The following THSD4 variants were observed in gnomAD, a reference collection of about 807,000 sequenced individuals.
THSD4 encodes thrombospondin type 1 domain containing 4.
In THSD4, 69 loss-of-function variants were observed where a neutral mutation model predicts 119.0. The ratio of observed to expected loss-of-function variants is 0.58; its 90% CI spans 0.48 to 0.71. The LOEUF (loss-of-function observed/expected upper bound fraction) is 0.71, where lower values mean the gene tolerates loss of function less well. THSD4 is among the 30% of genes least tolerant of loss of function. The probability of loss-of-function intolerance (pLI) is 0.00; values close to 1 mark genes in which losing one functional copy is unlikely to be tolerated. For synonymous variants in THSD4, 524 were observed against 540.4 expected (o/e 0.97, Z 0.42); for missense variants, 1,393 against 1,391.1 (o/e 1.00, Z -0.02).
At chr15:71,510,940 G>A (rs56017183) in intron 7 of THSD4, among the ~76,000 whole-genome samples, 352 of 103,866 alleles carry the variant, frequency 3.4e-3, no homozygotes, top group South Asian at 8.0e-3. Flanking sequence ...GTCGAGTGAT[G>A]TTTTGTGTGA....
chr15:71,368,955 T>C (rs2046005815), intron 6 of THSD4, among the ~76,000 whole-genome samples: 1 of 152,224 alleles, frequency 6.6e-6, no homozygotes, highest in Non-Finnish European at 1.5e-5. Context: ...TCCTCTTTTA[T>C]TTTGTTGAGC....
intron 7 of THSD4, among the ~76,000 whole-genome samples, chr15:71,626,257 A>C (rs1220781153): frequency 6.6e-6 from 1 of 152,192 alleles, no homozygotes; most frequent in Non-Finnish European, 1.5e-5. Context: ...AAGTAAGAAA[A>C]ACAACATCTG....
At chr15:71,235,254 TA>T (rs1437753975) in intron 4 of THSD4, among the ~76,000 whole-genome samples, 1 of 152,218 alleles carries the variant, frequency 6.6e-6, no homozygotes, top group Non-Finnish European at 1.5e-5. Context: ...GACCCTGTGA[TA>T]CTTAGTCTCC....
Position 71,115,871 on chromosome 15 carries a change from C to A in THSD4, c.-80+173C>A, listed in dbSNP as rs1433114576. 2.0e-5 allele frequency among the ~76,000 whole-genome samples: 3 copies of A among 151,808 alleles called. No homozygotes were observed. Among genetic ancestry groups the A allele is most frequent in the Non-Finnish European group, 2.9e-5 (2 of 67,904 alleles). On this transcript the variant is annotated intron_variant, in intron 1 of 17. Coordinates refer to ENST00000261862, the MANE Select transcript of THSD4 (RefSeq NM_024817.3). The surrounding 1 kb of genome is among the most constrained non-coding windows in gnomAD (Gnocchi z 4.4). ...GCTGCGCCGCTCCGGGCTCGGGGAG[C>A]CAGCGCGCGCCTGGTCCGTGCGGAC...
chr15:71,653,050 G>A (rs1017049381), intron 7 of THSD4, among the ~76,000 whole-genome samples: 10 of 152,110 alleles, frequency 6.6e-5, no homozygotes, highest in African/African-American at 1.7e-4. Flanking sequence ...GAGCCAGTTC[G>A]AAGAGCAGGT....
In THSD4 at chr15:71,519,966, C is replaced by T. The variant is rs182780871; in HGVS notation, c.1152+108143C>T. Reference sequence around the variant, plus strand: ...GTAGCTCTAGGGGAGTTTGCTGCAGCGGCAGTGGTGGCAAATCACAGGATA... The same window carrying T: ...GTAGCTCTAGGGGAGTTTGCTGCAGTGGCAGTGGTGGCAAATCACAGGATA... On this transcript the variant is annotated intron_variant, in intron 7 of 17. Transcript: ENST00000261862. Among the ~76,000 whole-genome samples the T allele has an allele frequency of 3.9e-3, 593 of 152,264 alleles. 4 individuals are homozygous for T. Among genetic ancestry groups the T allele is most frequent in the Non-Finnish European group, 6.3e-3 (426 of 68,010 alleles).
At chr15:71,266,883 G>A (rs1036117555) in intron 6 of THSD4, among the ~76,000 whole-genome samples, 1 of 151,878 alleles carries the variant, frequency 6.6e-6, no homozygotes, top group Admixed American at 6.6e-5. Flanking sequence ...TCAACTTAAT[G>A]AAATTACAGC....
intron 7 of THSD4, among the ~76,000 whole-genome samples, chr15:71,597,883 T>C (rs1406015542): frequency 6.6e-6 from 1 of 152,086 alleles, no homozygotes; most frequent in Non-Finnish European, 1.5e-5. Context: ...AGGAAGTGAG[T>C]TCAGACGCTC....
chr15:71,168,412 T>C (rs1194023612), intron 3 of THSD4, among the ~76,000 whole-genome samples: 3 of 152,216 alleles, frequency 2.0e-5, no homozygotes, highest in African/African-American at 7.2e-5. Flanking sequence ...ACATACACTT[T>C]AATCACAACT....
intron 6 of THSD4, among the ~76,000 whole-genome samples, chr15:71,383,718 A>G (rs1470010990): frequency 6.6e-6 from 1 of 152,206 alleles, no homozygotes; most frequent in African/African-American, 2.4e-5. Context: ...TCCACCAACC[A>G]TGGATCGAAA....
chr15:71,206,416 C>T (rs1008276399), intron 3 of THSD4, among the ~76,000 whole-genome samples: 2 of 152,208 alleles, frequency 1.3e-5, no homozygotes, highest in Non-Finnish European at 2.9e-5. Context: ...CTTTCATTTG[C>T]TCTCAGGTTC....
intron 3 of THSD4, among the ~76,000 whole-genome samples, chr15:71,200,884 G>A (rs527470221): frequency 8.9e-4 from 135 of 152,322 alleles, no homozygotes; most frequent in African/African-American, 3.2e-3. Context: ...ATGGAGCTGT[G>A]CCATGTCTCG....
chr15:71,173,656 A>T (rs1417148838), intron 3 of THSD4, among the ~76,000 whole-genome samples: 1 of 151,514 alleles, frequency 6.6e-6, no homozygotes, highest in South Asian at 2.1e-4. Context: ...TTTCAAAGAA[A>T]TAGAAAAAAG....
intron 4 of THSD4, among the ~76,000 whole-genome samples, chr15:71,228,461 T>C (rs1378274410): frequency 6.6e-6 from 1 of 152,276 alleles, no homozygotes; most frequent in East Asian, 1.9e-4. Flanking sequence ...AAAGAATAGA[T>C]TTCTGTTGTT....
At chr15:71,471,072 G>A (rs906290938) in intron 7 of THSD4, among the ~76,000 whole-genome samples, 3 of 152,220 alleles carry the variant, frequency 2.0e-5, no homozygotes, top group Non-Finnish European at 4.4e-5. Flanking sequence ...GAACTTGCTG[G>A]TTTTGGGATA....
chr15:71,564,520 G>T (rs766026783), intron 7 of THSD4, among the ~76,000 whole-genome samples: 3 of 152,080 alleles, frequency 2.0e-5, no homozygotes, highest in Admixed American at 6.6e-5. Flanking sequence ...AAGGCAGGAA[G>T]TCTGTAGAAG....
intron 6 of THSD4, among the ~76,000 whole-genome samples, chr15:71,265,932 C>A (rs2044460880): frequency 6.6e-6 from 1 of 152,242 alleles, no homozygotes; most frequent in Non-Finnish European, 1.5e-5. Flanking sequence ...GGCAGGGCAT[C>A]TCTGAAGGAA....
chr15:71,575,179 T>C (rs1215248991), intron 7 of THSD4, among the ~76,000 whole-genome samples: 2 of 152,202 alleles, frequency 1.3e-5, no homozygotes, highest in Non-Finnish European at 2.9e-5. Context: ...TTTGGTTTTT[T>C]CAATTTTATG....
intron 3 of THSD4, among the ~76,000 whole-genome samples, chr15:71,178,059 A>G (rs2043465977): frequency 1.8e-5 from 1 of 54,690 alleles, no homozygotes; most frequent in African/African-American, 6.6e-5. Context: ...AACTGGAAGC[A>G]TTCCCTTTGA....
Sources: gnomAD v4.1 joint callset for allele counts (sites outside exome capture counted in the v4.1 genomes callset) on GRCh38, gnomAD v4.1.1 for gene constraint, Gnocchi (gnomAD v3.1) non-coding constraint, MANE v1.5 for transcripts, NCBI Gene and HGNC (gene_info 2026-07-23, HGNC 2026-07-21) for gene names.